PAFAH1B1: variants seen among roughly 807,000 people sequenced by gnomAD.
The protein encoded by PAFAH1B1 is platelet-activating factor acetylhydrolase IB subunit beta.
In PAFAH1B1, 2 loss-of-function variants were observed where a neutral mutation model predicts 57.5. That is an observed-to-expected ratio of 0.03 (90% CI 0.01 to 0.11). PAFAH1B1 has a LOEUF of 0.11. Ranked by LOEUF, PAFAH1B1 falls within the 10% of genes least tolerant of loss-of-function variation. The pLI is 1.00. For missense variants in PAFAH1B1, 257 were observed against 512.0 expected, an observed-to-expected ratio of 0.50 and a Z score of 4.81; for synonymous variants, 152 against 169.6, an observed-to-expected ratio of 0.90 and a Z score of 0.81.
At chr17:2,603,711 C>T (rs1424192854) in intron 1 of PAFAH1B1, among the ~76,000 whole-genome samples, 1 of 150,692 alleles carries the variant, frequency 6.6e-6, no homozygotes, top group East Asian at 1.9e-4. Context: ...TCTTGATTGA[C>T]ATTGGGTAAT....
chr17:2,599,080 A>C (rs1379683779), intron 1 of PAFAH1B1, among the ~76,000 whole-genome samples: 1 of 152,204 alleles, frequency 6.6e-6, no homozygotes, highest in African/African-American at 2.4e-5. Context: ...TTTGTCAAGG[A>C]TACTTCTGGA....
intron 1 of PAFAH1B1, among the ~76,000 whole-genome samples, chr17:2,625,729 C>T (rs1369006932): frequency 1.3e-5 from 2 of 152,096 alleles, no homozygotes; most frequent in East Asian, 3.8e-4. Flanking sequence ...AATTAAAGAC[C>T]AGCCTAGGCA....
chr17:2,603,298 C>T lies in PAFAH1B1; in HGVS notation c.-191+9292C>T, dbSNP rs569166650. On this transcript the variant is annotated intron_variant, in intron 1 of 10. Transcript: ENST00000397195. ...CTGAGTAGCTGGGTCTACAGGCCCG[C>T]GCCACCATGCCTGGGTAATTTTTGT... 8.5e-5 allele frequency among the ~76,000 whole-genome samples: 13 copies of T among 152,188 alleles called. No individual in the cohort carries two copies. The South Asian group carries it at 1.5e-3, about 17-fold the overall frequency.
At chr17:2,671,553 G>C (rs2069182141) in intron 6 of PAFAH1B1, among the ~76,000 whole-genome samples, 1 of 134,934 alleles carries the variant, frequency 7.4e-6, no homozygotes, top group South Asian at 2.7e-4. Context: ...ACTTTAAAAA[G>C]AGTTCTTTCT....
chr17:2,645,485 C>T (rs900131897), intron 2 of PAFAH1B1, among the ~76,000 whole-genome samples: 5 of 151,156 alleles, frequency 3.3e-5, no homozygotes, highest in Admixed American at 6.6e-5. Flanking sequence ...CCCAGCTAGT[C>T]GGGAGGCTGA....
chr17:2,602,159 A>T (rs1254632979), intron 1 of PAFAH1B1, among the ~76,000 whole-genome samples: 1 of 152,112 alleles, frequency 6.6e-6, no homozygotes, highest in Admixed American at 6.6e-5. Flanking sequence ...ACTTAATAAA[A>T]TCATTATTCA....
At chr17:2,681,452 G>A (rs573015254) in intron 10 of PAFAH1B1, 1 of 319,106 alleles carries the variant, frequency 3.1e-6, no homozygotes, top group African/African-American at 2.1e-5. Context: ...ATTAAAAATT[G>A]TATCTGGCTC....
At chr17:2,622,333 G>C (rs2151623827) in intron 1 of PAFAH1B1, among the ~76,000 whole-genome samples, 1 of 152,290 alleles carries the variant, frequency 6.6e-6, no homozygotes. Context: ...CTATGAGCCT[G>C]TAAAATGAAA....
Position 2,685,102 on chromosome 17 carries a change from A to T in PAFAH1B1, c.*3300A>T, listed in dbSNP as rs1232934062. Reference sequence around the variant, plus strand: ...GTGTGTTCATCTAGATGACGCAAAGAATCTCCTGGTAGAGAAGCGACATGT... The same window carrying T: ...GTGTGTTCATCTAGATGACGCAAAGTATCTCCTGGTAGAGAAGCGACATGT... On this transcript the variant is annotated 3_prime_UTR_variant, in exon 11 of 11. Transcript: ENST00000397195. 2 of 146,996 alleles carry T rather than the reference A, an allele frequency of 1.4e-5. No individual in the cohort carries two copies. The highest frequency in any genetic ancestry group is 1.4e-4 in the Admixed American group (2 of 14,180). 9.1% of individuals were successfully genotyped at this position (146,996 alleles called of 1,614,324 possible). A position where few individuals can be genotyped will look rare whatever the true frequency, so the allele number is the denominator to read the frequency against.
At chr17:2,599,543 A>G (rs970906873) in intron 1 of PAFAH1B1, among the ~76,000 whole-genome samples, 5 of 152,220 alleles carry the variant, frequency 3.3e-5, no homozygotes, top group Admixed American at 2.0e-4. Context: ...TAATAAGTGA[A>G]TAAGTACTAG....
chr17:2,629,191 TTGTC>T (rs2068527210), intron 1 of PAFAH1B1, among the ~76,000 whole-genome samples: 2 of 152,144 alleles, frequency 1.3e-5, no homozygotes, highest in African/African-American at 4.8e-5. Context: ...TGACCTTAGA[TTGTC>T]TGTGCTCTTT....
intron 1 of PAFAH1B1, among the ~76,000 whole-genome samples, chr17:2,625,541 C>T (rs569968145): frequency 1.6e-4 from 24 of 152,190 alleles, no homozygotes; most frequent in African/African-American, 5.1e-4. Context: ...GAAAATATTG[C>T]CTGATTTATT....
chr17:2,666,982 C>A lies in PAFAH1B1; in HGVS notation c.193-10C>A. 1 of 1,600,462 alleles carries A rather than the reference C, an allele frequency of 6.2e-7. No homozygotes were observed. The highest frequency in any genetic ancestry group is 8.6e-7 in the Non-Finnish European group (1 of 1,167,730). ...ATCTATCTGTACGTAACTACATGTT[C>A]TTTTTCAAGGTTATGGAATTAGAAT... On this transcript the variant is annotated splice_polypyrimidine_tract_variant and intron_variant, in intron 4 of 10. Coordinates refer to ENST00000397195, the MANE Select transcript of PAFAH1B1 (RefSeq NM_000430.4).
intron 2 of PAFAH1B1, among the ~76,000 whole-genome samples, chr17:2,645,151 G>A (rs1215713966): frequency 6.6e-6 from 1 of 152,134 alleles, no homozygotes; most frequent in African/African-American, 2.4e-5. Context: ...GCTGGCTGAG[G>A]CAAGAGGATT....
At chr17:2,613,270 C>T in intron 1 of PAFAH1B1, 1 of 197,362 alleles carries the variant, frequency 5.1e-6, no homozygotes, top group Non-Finnish European at 1.1e-5. Context: ...CCACCCACCC[C>T]TGGCCACTTC....
At chr17:2,598,554 T>A (rs886149255) in intron 1 of PAFAH1B1, among the ~76,000 whole-genome samples, 2 of 152,100 alleles carry the variant, frequency 1.3e-5, no homozygotes, top group African/African-American at 4.8e-5. Context: ...AAGTGGAAAT[T>A]CTTTGCCACT....
At chr17:2,673,821 A>G (rs2069220883) in intron 7 of PAFAH1B1, 1 of 490,532 alleles carries the variant, frequency 2.0e-6, no homozygotes, top group Non-Finnish European at 3.7e-6. Flanking sequence ...TTTAGTTTTG[A>G]AAGATTTTAT....
intron 2 of PAFAH1B1, among the ~76,000 whole-genome samples, chr17:2,652,112 A>G (rs1193413439): frequency 6.6e-6 from 1 of 151,364 alleles, no homozygotes; most frequent in Non-Finnish European, 1.5e-5. Flanking sequence ...ACTTAACAAT[A>G]TGTACTTAAC....
chr17:2,677,856 AAAATAAAT>A (rs10639352), intron 9 of PAFAH1B1, among the ~76,000 whole-genome samples: 14 of 149,850 alleles, frequency 9.3e-5, no homozygotes, highest in Non-Finnish European at 1.9e-4. Flanking sequence ...TCCGCCTCAA[AAAATAAAT>A]AAATAAATAA....
Sources: allele counts gnomAD v4.1 joint callset (sites outside exome capture counted in the v4.1 genomes callset), GRCh38; gene constraint gnomAD v4.1.1; transcripts MANE v1.5; gene names NCBI Gene and HGNC (gene_info 2026-07-23, HGNC 2026-07-21).